Variants in SOX5 observed in about 807,000 individuals in gnomAD.
The protein encoded by SOX5 is transcription factor SOX-5.
SOX5 carries 9 observed loss-of-function variants against 92.0 expected under a neutral mutation model. That is an observed-to-expected ratio of 0.10 (90% CI 0.06 to 0.17). The LOEUF (loss-of-function observed/expected upper bound fraction) is 0.17. SOX5 is among the 10% of genes least tolerant of loss of function. The probability of loss-of-function intolerance (pLI) is 1.00; values close to 1 mark genes in which losing one functional copy is unlikely to be tolerated. For synonymous variants in SOX5, 344 were observed against 336.3 expected, an observed-to-expected ratio of 1.02 and a Z score of -0.25; for missense variants, 642 against 944.5, an observed-to-expected ratio of 0.68 and a Z score of 4.20.
At chr12:24,395,565 T>G (rs900080386) in intron 1 of SOX5, among the ~76,000 whole-genome samples, 30 of 152,214 alleles carry the variant, frequency 2.0e-4, no homozygotes, top group African/African-American at 7.0e-4. Context: ...GGACTAAGTT[T>G]AACATGTCTA....
intron 4 of SOX5, among the ~76,000 whole-genome samples, chr12:24,050,780 A>T (rs1015681008): frequency 2.6e-5 from 4 of 152,216 alleles, no homozygotes; most frequent in African/African-American, 9.6e-5. Flanking sequence ...GGTAAGAAAT[A>T]TAAGAAATAT....
At position 24,172,601 on chromosome 12, in the gene SOX5, G is replaced by A. The variant is rs886455094; in HGVS notation, c.-2+40742C>T. Reference sequence around the variant, plus strand: ...AAAGGAAGTTTCAGTTTGGATCGGAGGAACTGAAAGAGGGAAATTAGTGAG... The same window carrying A: ...AAAGGAAGTTTCAGTTTGGATCGGAAGAACTGAAAGAGGGAAATTAGTGAG... On this transcript the variant is annotated intron_variant, in intron 4 of 4. Coordinates refer to the SOX5 transcript ENST00000446891. 2.6e-5 allele frequency among the ~76,000 whole-genome samples: 4 copies of A among 152,228 alleles called. No individual in the cohort carries two copies. In the South Asian group the frequency reaches 8.3e-4, roughly 32 times the overall value.
chr12:24,558,843 A>C (rs1257398874), intron 1 of SOX5, among the ~76,000 whole-genome samples: 1 of 152,240 alleles, frequency 6.6e-6, no homozygotes, highest in Non-Finnish European at 1.5e-5. Flanking sequence ...CCAAATGGGA[A>C]ATGGAATAAC....
At chr12:24,532,870 C>T (rs986130759) in intron 1 of SOX5, among the ~76,000 whole-genome samples, 2 of 152,246 alleles carry the variant, frequency 1.3e-5, no homozygotes, top group South Asian at 4.1e-4. Context: ...TCAAAGCGAG[C>T]GTCATAAAAT....
At chr12:23,980,169 C>T (rs1246693659) in intron 4 of SOX5, among the ~76,000 whole-genome samples, 1 of 151,756 alleles carries the variant, frequency 6.6e-6, no homozygotes, top group Non-Finnish European at 1.5e-5. Flanking sequence ...TTCTATGATT[C>T]TTTTTTTGTT....
chr12:24,542,416 C>T (rs548920424), intron 1 of SOX5, among the ~76,000 whole-genome samples: 58 of 152,196 alleles, frequency 3.8e-4, no homozygotes, highest in Non-Finnish European at 7.3e-4. Context: ...TACTTTTCCT[C>T]GATAATACAC....
chr12:23,563,905 T>C (rs1946638590), intron 10 of SOX5, among the ~76,000 whole-genome samples: 1 of 152,152 alleles, frequency 6.6e-6, no homozygotes, highest in Admixed American at 6.5e-5. Flanking sequence ...AAGAAATAAA[T>C]CATTATTTGA....
At chr12:23,832,657 C>T (rs1263429516) in intron 3 of SOX5, among the ~76,000 whole-genome samples, 2 of 151,744 alleles carry the variant, frequency 1.3e-5, no homozygotes, top group African/African-American at 4.8e-5. Flanking sequence ...TTCAACAATC[C>T]CCTGATGAAA....
intron 9 of SOX5, among the ~76,000 whole-genome samples, chr12:23,581,945 A>G (rs1950101023): frequency 6.6e-6 from 1 of 152,000 alleles, no homozygotes; most frequent in African/African-American, 2.4e-5. Context: ...CCTCTGCATG[A>G]TTTGAAAACT....
intron 4 of SOX5, among the ~76,000 whole-genome samples, chr12:23,750,503 G>A (rs1023310222): frequency 6.6e-6 from 1 of 151,800 alleles, no homozygotes; most frequent in African/African-American, 2.4e-5. Flanking sequence ...ACAGGAAAAG[G>A]TTTTAGGTTA....
chr12:23,995,979 T>C (rs1480126229), intron 4 of SOX5, among the ~76,000 whole-genome samples: 1 of 152,198 alleles, frequency 6.6e-6, no homozygotes, highest in Admixed American at 6.5e-5. Flanking sequence ...TATAAGCCTA[T>C]GATATATAGA....
chr12:23,656,624 G>A (rs1451975947), intron 7 of SOX5, among the ~76,000 whole-genome samples: 1 of 151,948 alleles, frequency 6.6e-6, no homozygotes, highest in Non-Finnish European at 1.5e-5. Context: ...CATGTAAGTA[G>A]TTTGTCATCT....
At chr12:23,907,724 C>A (rs773359809) in intron 1 of SOX5, among the ~76,000 whole-genome samples, 3 of 148,902 alleles carry the variant, frequency 2.0e-5, no homozygotes, top group African/African-American at 7.5e-5. Context: ...ATGGATAACA[C>A]TGGTCAGGTG....
intron 2 of SOX5, among the ~76,000 whole-genome samples, chr12:24,360,132 C>T (rs1049082498): frequency 2.6e-5 from 4 of 152,190 alleles, no homozygotes; most frequent in African/African-American, 9.7e-5. Context: ...AAAATTGCCT[C>T]TTTCAGTACT....
intron 3 of SOX5, among the ~76,000 whole-genome samples, chr12:24,274,408 C>T (rs896416593): frequency 7.2e-5 from 11 of 152,168 alleles, no homozygotes. Context: ...GTCTATTTTG[C>T]TTAATGAACT....
intron 4 of SOX5, among the ~76,000 whole-genome samples, chr12:24,037,029 G>C (rs1271959994): frequency 6.6e-6 from 1 of 152,050 alleles, no homozygotes; most frequent in Non-Finnish European, 1.5e-5. Context: ...ACTATTTACA[G>C]TATTTCACAA....
intron 4 of SOX5, among the ~76,000 whole-genome samples, chr12:24,117,690 T>C (rs1428827377): frequency 6.6e-6 from 1 of 152,138 alleles, no homozygotes; most frequent in African/African-American, 2.4e-5. Flanking sequence ...CTGGAGGATA[T>C]TATGCTAAGT....
In SOX5 at chr12:23,551,212, G is replaced by A. The variant is rs1944142516; in HGVS notation, c.1489-4788C>T. Among the ~76,000 whole-genome samples the A allele has an allele frequency of 4.0e-5, 6 of 151,674 alleles. No individual in the cohort carries two copies. In the South Asian group the frequency reaches 1.0e-3, roughly 26 times the overall value. ...GGTCTTCTACTATATTAACGACACG[G>A]GAAGAAAGAAACAAAAAACCCTCCA... is the stretch of plus-strand genomic sequence containing the variant. On this transcript the variant is annotated intron_variant, in intron 11 of 14. Transcript: ENST00000451604.
intron 4 of SOX5, among the ~76,000 whole-genome samples, chr12:23,994,145 C>T (rs897114418): frequency 6.6e-6 from 1 of 151,212 alleles, no homozygotes; most frequent in Non-Finnish European, 1.5e-5. Context: ...AAAACAAAAA[C>T]AAAAACAAGA....
Sources: allele counts gnomAD v4.1 joint callset (sites outside exome capture counted in the v4.1 genomes callset), GRCh38; gene constraint gnomAD v4.1.1; transcripts MANE v1.5; gene names NCBI Gene and HGNC (gene_info 2026-07-23, HGNC 2026-07-21).